The following PCDHGA9 variants were observed in gnomAD, a reference collection of about 807,000 sequenced individuals.
PCDHGA9 encodes protocadherin gamma subfamily A, 9, also known as protocadherin gamma-A9.
In PCDHGA9, 37 loss-of-function variants were observed where a neutral mutation model predicts 62.5. The observed-to-expected ratio is 0.59, with a 90% CI of 0.46 to 0.78. The LOEUF (loss-of-function observed/expected upper bound fraction) is 0.78. PCDHGA9 is among the 30% of genes least tolerant of loss of function. The pLI is 0.00. For synonymous variants in PCDHGA9, 459 were observed against 484.6 expected (o/e 0.95, Z 0.69); for missense variants, 1,138 against 1,166.2 (o/e 0.98, Z 0.35).
intron 1 of PCDHGA9, among the ~76,000 whole-genome samples, chr5:141,465,319 T>A (rs184635197): frequency 4.6e-5 from 7 of 152,324 alleles, no homozygotes; most frequent in Admixed American, 1.3e-4. Flanking sequence ...GCCATGTCAA[T>A]GCAGTATTTT....
At chr5:141,481,982 G>A (rs1378873905) in intron 1 of PCDHGA9, among the ~76,000 whole-genome samples, 2 of 151,628 alleles carry the variant, frequency 1.3e-5, no homozygotes, top group African/African-American at 2.4e-5. Context: ...CTACTTGGGA[G>A]GTTGAAGCAG....
chr5:141,477,560 T>C lies in PCDHGA9; in HGVS notation c.2425-17247T>C, dbSNP rs2099412994. The C allele has an allele frequency of 1.2e-6, 2 of 1,614,078 alleles. No homozygotes were observed. Among genetic ancestry groups the C allele is most frequent in the South Asian group, 2.2e-5 (2 of 91,094 alleles). ...GGCTCCAATACTAAACCTAAGTGTC[T>C]GGGACCCCGACGCCCCGCAGAATGC... On this transcript the variant is annotated intron_variant, in intron 1 of 3. Transcript: ENST00000573521. This position sits in a 1 kb window ranked among gnomAD's most constrained non-coding sequence, Gnocchi z 4.9.
rs1419985074 is a variant in PCDHGA9, at chr5:141,431,009, T to C, written c.2424+25633T>C. On this transcript the variant is annotated intron_variant, in intron 1 of 3. Transcript: ENST00000573521. The surrounding 1 kb of genome is among the most constrained non-coding windows in gnomAD (Gnocchi z 4.8). ...CGCCCTGAATCCGCGCAGCGGCAGC[T>C]TGGTCACGGCGGGCAGGATAGACCG... The C allele has an allele frequency of 3.7e-6, 6 of 1,613,884 alleles. No individual in the cohort carries two copies. Among genetic ancestry groups the C allele is most frequent in the Non-Finnish European group, 5.1e-6 (6 of 1,179,984 alleles).
intron 1 of PCDHGA9, chr5:141,413,762 C>A: frequency 1.2e-6 from 2 of 1,612,894 alleles, no homozygotes; most frequent in Non-Finnish European, 8.5e-7. Flanking sequence ...GTCAAGTACC[C>A]GGAGCTGGTA....
chr5:141,485,858 C>A lies in PCDHGA9; in HGVS notation c.2425-8949C>A, dbSNP rs1431906047. 8.1e-6 allele frequency: 13 copies of A among 1,614,162 alleles called. No individual in the cohort carries two copies. The South Asian group carries it at 1.4e-4, about 18-fold the overall frequency. ...GCCGAGATCTGGCACCGCAGAGCTC[C>A]GGGTATCCGTGCTGGACGTAAACGA... On this transcript the variant is annotated intron_variant, in intron 1 of 3. Coordinates refer to ENST00000573521, the MANE Select transcript of PCDHGA9 (RefSeq NM_018921.3). This position sits in a 1 kb window ranked among gnomAD's most constrained non-coding sequence, Gnocchi z 5.7.
At position 141,432,730 on chromosome 5, in the gene PCDHGA9, T is replaced by A; in HGVS notation, c.2424+27354T>A. 6.2e-7 allele frequency: 1 copy of A among 1,614,052 alleles called. No homozygotes were observed. Among genetic ancestry groups the A allele is most frequent in the Non-Finnish European group, 8.5e-7 (1 of 1,179,976 alleles). Reference sequence around the variant, plus strand: ...ACGGCCAGCCCCCTCTCTCCGCCACTGTCACGCTCACCGTGGCCGTGGCCG... The same window carrying A: ...ACGGCCAGCCCCCTCTCTCCGCCACAGTCACGCTCACCGTGGCCGTGGCCG... On this transcript the variant is annotated intron_variant, in intron 1 of 3. Transcript: ENST00000573521. The surrounding 1 kb of genome is among the most constrained non-coding windows in gnomAD (Gnocchi z 6.0).
Position 141,474,743 on chromosome 5 carries a change from T to A in PCDHGA9, c.2425-20064T>A, listed in dbSNP as rs113053006. Among the ~76,000 whole-genome samples the A allele has an allele frequency of 4.0e-3, 610 of 152,354 alleles. 8 individuals carry two copies. The highest frequency in any genetic ancestry group is 0.014 in the African/African-American group (593 of 41,580). On this transcript the variant is annotated intron_variant, in intron 1 of 3. Transcript: ENST00000573521. ...AGGACTCTATGCAATCAAAGTGATG[T>A]CCAAGACAAATATACAGAAATAGTA...
intron 1 of PCDHGA9, chr5:141,421,720 G>T: frequency 6.2e-7 from 1 of 1,613,906 alleles, no homozygotes. Context: ...AGATGTGGGC[G>T]TGAACTCCCT....
intron 2 of PCDHGA9, among the ~76,000 whole-genome samples, chr5:141,495,922 C>G (rs1263216717): frequency 6.6e-6 from 1 of 152,100 alleles, no homozygotes; most frequent in Non-Finnish European, 1.5e-5. Context: ...CTTTCTTTGT[C>G]TCTGTCTCTG....
At chr5:141,433,866 T>C (rs1191114798) in intron 1 of PCDHGA9, among the ~76,000 whole-genome samples, 1 of 151,870 alleles carries the variant, frequency 6.6e-6, no homozygotes, top group African/African-American at 2.4e-5. Context: ...CTTTATCCTC[T>C]AGTTTCATCC....
In PCDHGA9 at chr5:141,491,681, C is replaced by A; in HGVS notation, c.2425-3126C>A. The A allele has an allele frequency of 6.2e-7, 1 of 1,613,458 alleles. No individual in the cohort carries two copies. Among genetic ancestry groups the A allele is most frequent in the Non-Finnish European group, 8.5e-7 (1 of 1,179,804 alleles). ...GACGCCATCCGGTCCCGCTCTAATA[C>A]GCTGCGGGAGCGGAGCCAGGTGAGG... On this transcript the variant is annotated intron_variant, in intron 1 of 3. Coordinates refer to ENST00000573521, the MANE Select transcript of PCDHGA9 (RefSeq NM_018921.3). This position sits in a 1 kb window ranked among gnomAD's most constrained non-coding sequence, Gnocchi z 6.9.
chr5:141,403,422 C>G lies in PCDHGA9; in HGVS notation c.470C>G (p.Ala157Gly). The G allele has an allele frequency of 6.2e-7, 1 of 1,614,030 alleles. No homozygotes were observed. The highest frequency in any genetic ancestry group is 8.5e-7 in the Non-Finnish European group (1 of 1,179,902). The stretch of plus-strand genomic sequence containing the variant: ...GGAGCACGTTATCCACTTCCAGAAG[C>G]TATTGATCCGGATGTTGGCGTGAAC... ...VPGARYPLPE[A>G]IDPDVGVNSL... The change falls in exon 1 of 4, where the codon GCT (alanine) becomes GGT (glycine). Residue 157 changes from alanine (A) to glycine (G), a missense_variant. Physicochemically the swap from Ala to Gly is moderately conservative, Grantham distance 60. Transcript: ENST00000573521.
intron 1 of PCDHGA9, among the ~76,000 whole-genome samples, chr5:141,457,628 C>T (rs1210673176): frequency 6.6e-6 from 1 of 152,244 alleles, no homozygotes; most frequent in Non-Finnish European, 1.5e-5. Context: ...TAATCTTATA[C>T]TTGGCCTGAT....
chr5:141,408,641 T>C, intron 1 of PCDHGA9: 1 of 1,614,034 alleles, frequency 6.2e-7, no homozygotes, highest in Non-Finnish European at 8.5e-7. Context: ...CGAATCTGCA[T>C]CCGCTGGTAC....
At chr5:141,408,780 A>G (rs1304526612) in intron 1 of PCDHGA9, 1 of 1,612,372 alleles carries the variant, frequency 6.2e-7, no homozygotes, top group Non-Finnish European at 8.5e-7. Flanking sequence ...AAATACCCAG[A>G]GTTATCTCTG....
intron 1 of PCDHGA9, chr5:141,408,227 C>G (rs771279344): frequency 1.9e-6 from 3 of 1,562,978 alleles, no homozygotes; most frequent in East Asian, 2.4e-5. Context: ...CGCGCAGAGG[C>G]GCCGGGCCGG....
intron 1 of PCDHGA9, chr5:141,417,860 A>G (rs1168739756): frequency 7.7e-6 from 12 of 1,549,390 alleles, no homozygotes; most frequent in African/African-American, 1.4e-5. Flanking sequence ...CGAGCGAACG[A>G]TGGGAGGGAG....
chr5:141,473,163 G>T (rs1379230893), intron 1 of PCDHGA9, among the ~76,000 whole-genome samples: 2 of 152,160 alleles, frequency 1.3e-5, no homozygotes, highest in Non-Finnish European at 1.5e-5. Flanking sequence ...GGGCTAGGAA[G>T]GCCCACTGGT....
At position 141,431,942 on chromosome 5, in the gene PCDHGA9, G is replaced by A. The variant is rs1284808063; in HGVS notation, c.2424+26566G>A. 6.2e-7 allele frequency: 1 copy of A among 1,614,116 alleles called. No homozygotes were observed. The highest frequency in any genetic ancestry group is 2.2e-5 in the East Asian group (1 of 44,884). ...CCAAGGAAATCTGCCCTTTAAATTA[G>A]AAAAATCTTACGGAAATTACTATAG... On this transcript the variant is annotated intron_variant, in intron 1 of 3. Transcript: ENST00000573521. The surrounding 1 kb of genome is among the most constrained non-coding windows in gnomAD (Gnocchi z 4.8).
Sources: allele counts gnomAD v4.1 joint callset (sites outside exome capture counted in the v4.1 genomes callset), GRCh38; gene constraint gnomAD v4.1.1; non-coding constraint Gnocchi (gnomAD v3.1); transcripts MANE v1.5; gene names NCBI Gene and HGNC (gene_info 2026-07-23, HGNC 2026-07-21).